The following ALK variants were observed in gnomAD, a reference collection of about 807,000 sequenced individuals.
ALK encodes ALK tyrosine kinase receptor.
A neutral mutation model predicts 163.1 loss-of-function variants in ALK; 74 were observed. That is an observed-to-expected ratio of 0.45 (90% CI 0.38 to 0.55). The LOEUF (loss-of-function observed/expected upper bound fraction) is 0.55, where lower values mean the gene tolerates loss of function less well. Ranked by LOEUF, ALK falls within the 20% of genes least tolerant of loss-of-function variation. ALK has a pLI of 0.00. For missense variants in ALK, 2,063 were observed against 2,105.3 expected (o/e 0.98, Z 0.39); for synonymous variants, 960 against 843.2 (o/e 1.14, Z -2.40).
intron 3 of ALK, among the ~76,000 whole-genome samples, chr2:29,638,521 G>T (rs1454170464): frequency 6.6e-6 from 1 of 151,688 alleles, no homozygotes. Context: ...GAGTAGGGTG[G>T]GGGTGGGGGG....
At chr2:29,463,367 AC>A (rs1389244524) in intron 4 of ALK, among the ~76,000 whole-genome samples, 1 of 152,202 alleles carries the variant, frequency 6.6e-6, no homozygotes, top group Non-Finnish European at 1.5e-5. Context: ...TATGTTTCAT[AC>A]TGAAAATATG....
At chr2:29,291,996 A>G (rs1432759657) in intron 9 of ALK, among the ~76,000 whole-genome samples, 2 of 152,244 alleles carry the variant, frequency 1.3e-5, no homozygotes, top group Non-Finnish European at 2.9e-5. Flanking sequence ...GTCTAAATGC[A>G]TGAAGACATA....
chr2:29,840,063 G>A lies in ALK; in HGVS notation c.667+79930C>T, dbSNP rs533986913. ...AAATCTGAGATTACAGTGCAAAGCT[G>A]TCTAAATCTATAGCTTTTATTCTTA... On this transcript the variant is annotated intron_variant, in intron 1 of 28. Transcript: ENST00000389048. 2.0e-5 allele frequency among the ~76,000 whole-genome samples: 3 copies of A among 152,278 alleles called. No homozygotes were observed. In the East Asian group the frequency reaches 5.8e-4, roughly 29 times the overall value.
chr2:29,495,192 C>T (rs1671995557), intron 4 of ALK, among the ~76,000 whole-genome samples: 1 of 152,142 alleles, frequency 6.6e-6, no homozygotes, highest in African/African-American at 2.4e-5. Context: ...AGCTCTGCTC[C>T]CTGCTCCTTC....
chr2:29,918,862 G>A (rs900159703), intron 1 of ALK, among the ~76,000 whole-genome samples: 1 of 152,090 alleles, frequency 6.6e-6, no homozygotes, highest in African/African-American at 2.4e-5. Flanking sequence ...AAAGAAGCTG[G>A]GTTTGCTTGA....
Position 29,896,430 on chromosome 2 carries a change from A to T in ALK, c.667+23563T>A, listed in dbSNP as rs573439618. 2.4e-3 allele frequency among the ~76,000 whole-genome samples: 368 copies of T among 152,224 alleles called. 2 individuals are homozygous for T. Among genetic ancestry groups the T allele is most frequent in the African/African-American group, 8.3e-3 (346 of 41,526 alleles). ...AGATCCAGCCTTTAAATAGGTAATT[A>T]AGGTTAAATGAGGTCAATAAGGGTG... On this transcript the variant is annotated intron_variant, in intron 1 of 28. Transcript: ENST00000389048.
At chr2:29,849,023 A>C (rs1286516308) in intron 1 of ALK, among the ~76,000 whole-genome samples, 1 of 152,154 alleles carries the variant, frequency 6.6e-6, no homozygotes, top group African/African-American at 2.4e-5. Flanking sequence ...TGCCCTTGGC[A>C]GTGTCCCTGA....
At chr2:29,260,627 A>G (rs1665062491) in intron 11 of ALK, among the ~76,000 whole-genome samples, 2 of 152,146 alleles carry the variant, frequency 1.3e-5, no homozygotes, top group African/African-American at 2.4e-5. Context: ...ACCTGAGGTC[A>G]GGAGTTCAAG....
chr2:29,570,301 G>A (rs1451809510), intron 3 of ALK, among the ~76,000 whole-genome samples: 1 of 152,226 alleles, frequency 6.6e-6, no homozygotes, highest in South Asian at 2.1e-4. Context: ...ACTGGACTTG[G>A]AAGATGATGT....
chr2:29,590,050 C>T (rs1172773085), intron 3 of ALK, among the ~76,000 whole-genome samples: 1 of 152,224 alleles, frequency 6.6e-6, no homozygotes, highest in African/African-American at 2.4e-5. Context: ...TGCCCACCCA[C>T]AGCCAAAGCT....
At chr2:29,753,564 T>C (rs1165620041) in intron 1 of ALK, among the ~76,000 whole-genome samples, 1 of 152,202 alleles carries the variant, frequency 6.6e-6, no homozygotes, top group Non-Finnish European at 1.5e-5. Context: ...GTTTATCTTA[T>C]TTTAGAAACA....
At chr2:29,600,619 T>C (rs914635114) in intron 3 of ALK, among the ~76,000 whole-genome samples, 1 of 152,192 alleles carries the variant, frequency 6.6e-6, no homozygotes. Context: ...TCGTGGGGGC[T>C]GCTCACGTGC....
intron 2 of ALK, among the ~76,000 whole-genome samples, chr2:29,715,950 G>T (rs1206348123): frequency 6.6e-6 from 1 of 152,166 alleles, no homozygotes; most frequent in Non-Finnish European, 1.5e-5. Context: ...ATTATAAACT[G>T]CCCCAGGGTT....
chr2:29,779,735 G>A (rs1681281865), intron 1 of ALK, among the ~76,000 whole-genome samples: 2 of 152,260 alleles, frequency 1.3e-5, no homozygotes, highest in South Asian at 4.2e-4. Flanking sequence ...GCCAAATATT[G>A]GGCTTTAAAA....
chr2:29,459,471 C>T (rs1461427705), intron 4 of ALK, among the ~76,000 whole-genome samples: 1 of 152,046 alleles, frequency 6.6e-6, no homozygotes, highest in African/African-American at 2.4e-5. Flanking sequence ...GAACATAAGT[C>T]CCTATCTAAT....
intron 5 of ALK, among the ~76,000 whole-genome samples, chr2:29,350,153 C>G (rs1668074688): frequency 6.6e-6 from 1 of 152,220 alleles, no homozygotes; most frequent in Non-Finnish European, 1.5e-5. Context: ...CCGGTCCTGT[C>G]TATCCTACAG....
chr2:29,548,090 G>A (rs1281016185), intron 3 of ALK, among the ~76,000 whole-genome samples: 2 of 152,046 alleles, frequency 1.3e-5, no homozygotes, highest in African/African-American at 4.8e-5. Context: ...TCTTTTTCTT[G>A]CCTAGAATAT....
chr2:29,306,581 G>C (rs1029406510), intron 8 of ALK, among the ~76,000 whole-genome samples: 2 of 152,176 alleles, frequency 1.3e-5, no homozygotes, highest in African/African-American at 2.4e-5. Context: ...ATACTTTCGT[G>C]CTGGAGAAAT....
chr2:29,275,611 G>A, intron 9 of ALK, 115 bp from the exon 10 acceptor site: 1 of 1,055,384 alleles, frequency 9.5e-7, no homozygotes, highest in South Asian at 1.3e-5. Context: ...TTTGAAAAAG[G>A]CTCGCTAATC....
Sources: allele counts gnomAD v4.1 joint callset (sites outside exome capture counted in the v4.1 genomes callset), GRCh38; gene constraint gnomAD v4.1.1; transcripts MANE v1.5; gene names NCBI Gene and HGNC (gene_info 2026-07-23, HGNC 2026-07-21).